CDH13: variants seen among roughly 807,000 people sequenced by gnomAD.
The protein encoded by CDH13 is cadherin-13.
In CDH13, 24 loss-of-function variants were observed where a neutral mutation model predicts 63.8. The observed-to-expected ratio is 0.38, with a 90% confidence interval of 0.27 to 0.53. CDH13 has a LOEUF of 0.53. Ranked by LOEUF, CDH13 falls within the 20% of genes least tolerant of loss-of-function variation. CDH13 has a pLI of 0.85. For missense variants in CDH13, 1,049 were observed against 903.1 expected (o/e 1.16, Z -2.07); for synonymous variants, 503 against 355.3 (o/e 1.42, Z -4.67).
intron 2 of CDH13, among the ~76,000 whole-genome samples, chr16:83,010,681 A>G (rs916367912): frequency 2.0e-5 from 3 of 152,198 alleles, no homozygotes; most frequent in African/African-American, 7.2e-5. Context: ...GAAGTCCCTA[A>G]TGGTTGTTAC....
At chr16:83,604,544 G>T (rs1042107400) in intron 8 of CDH13, among the ~76,000 whole-genome samples, 1 of 152,142 alleles carries the variant, frequency 6.6e-6, no homozygotes, top group African/African-American at 2.4e-5. Flanking sequence ...AAAATGCTTT[G>T]TGTTTCTCTA....
At chr16:83,092,931 G>C (rs4523914) in intron 3 of CDH13, among the ~76,000 whole-genome samples, 78,013 of 151,974 alleles carry the variant, frequency 0.51, 20,330 homozygotes, top group Middle Eastern at 0.61. Context: ...GTACTTTTGC[G>C]CAAGATTTGT....
chr16:82,790,395 A>G (rs2151134373), intron 1 of CDH13, among the ~76,000 whole-genome samples: 1 of 152,282 alleles, frequency 6.6e-6, no homozygotes. Context: ...AGATCGCACC[A>G]CTGCACTCCA....
At chr16:82,722,288 G>C (rs1203635096) in intron 1 of CDH13, among the ~76,000 whole-genome samples, 1 of 152,132 alleles carries the variant, frequency 6.6e-6, no homozygotes, top group Non-Finnish European at 1.5e-5. Flanking sequence ...CTTGTTAAAT[G>C]GTTTCTCTCC....
At chr16:83,682,828 G>C (rs903352952) in intron 10 of CDH13, among the ~76,000 whole-genome samples, 2 of 152,090 alleles carry the variant, frequency 1.3e-5, no homozygotes, top group African/African-American at 4.8e-5. Flanking sequence ...TGAGAGACCG[G>C]GACCCTGAGA....
At chr16:82,739,113 T>A (rs2033816973) in intron 1 of CDH13, among the ~76,000 whole-genome samples, 1 of 152,260 alleles carries the variant, frequency 6.6e-6, no homozygotes, top group South Asian at 2.1e-4. Context: ...TAGTCACTCA[T>A]CATTCATTCT....
At chr16:83,202,502 C>T (rs952251305) in intron 4 of CDH13, among the ~76,000 whole-genome samples, 4 of 152,134 alleles carry the variant, frequency 2.6e-5, no homozygotes, top group Admixed American at 2.6e-4. Context: ...TCAAAGCTGT[C>T]TACACATCCT....
intron 5 of CDH13, among the ~76,000 whole-genome samples, chr16:83,285,293 C>G (rs532520645): frequency 7.2e-5 from 11 of 152,074 alleles, no homozygotes; most frequent in Non-Finnish European, 1.3e-4. Flanking sequence ...TGGTCCTAGT[C>G]AATTTCTCCT....
intron 6 of CDH13, among the ~76,000 whole-genome samples, chr16:83,481,241 A>G (rs1019612646): frequency 1.3e-5 from 2 of 152,226 alleles, no homozygotes; most frequent in South Asian, 2.1e-4. Context: ...CTGAATGTCT[A>G]TGTCTCAATA....
intron 1 of CDH13, among the ~76,000 whole-genome samples, chr16:82,814,213 T>C (rs1277105985): frequency 1.3e-5 from 2 of 152,148 alleles, no homozygotes; most frequent in East Asian, 1.9e-4. Flanking sequence ...AGCTTTGTAA[T>C]TTCCTGAGTG....
intron 2 of CDH13, among the ~76,000 whole-genome samples, chr16:83,014,247 A>T (rs562885868): frequency 2.4e-4 from 36 of 149,726 alleles, no homozygotes; most frequent in Admixed American, 1.1e-3. Flanking sequence ...CAACCATCAG[A>T]TTGGCCAACA....
At chr16:83,002,335 T>C (rs1306503157) in intron 2 of CDH13, among the ~76,000 whole-genome samples, 2 of 152,160 alleles carry the variant, frequency 1.3e-5, no homozygotes, top group Non-Finnish European at 2.9e-5. Context: ...TGGAGTGATG[T>C]GGCCTCAAGC....
intron 7 of CDH13, among the ~76,000 whole-genome samples, chr16:83,561,602 C>T (rs767929291): frequency 6.6e-6 from 1 of 152,144 alleles, no homozygotes; most frequent in Non-Finnish European, 1.5e-5. Flanking sequence ...GGTCTAAGCA[C>T]TTTACAGGTT....
intron 5 of CDH13, among the ~76,000 whole-genome samples, chr16:83,323,194 C>CTT (rs1328277409): frequency 7.1e-6 from 1 of 141,282 alleles, no homozygotes; most frequent in Non-Finnish European, 1.5e-5. Context: ...TTCTTTCTTT[C>CTT]TTTCTTTCTT....
At chr16:83,727,104 A>T (rs1254547220) in intron 10 of CDH13, among the ~76,000 whole-genome samples, 3 of 152,152 alleles carry the variant, frequency 2.0e-5, no homozygotes, top group Non-Finnish European at 4.4e-5. Flanking sequence ...GAGTTGTGCA[A>T]CCATCACCGC....
intron 3 of CDH13, among the ~76,000 whole-genome samples, chr16:83,122,442 G>C (rs2035623981): frequency 6.6e-6 from 1 of 152,190 alleles, no homozygotes; most frequent in South Asian, 2.1e-4. Flanking sequence ...GTTACGCATA[G>C]AGCAAACACC....
intron 4 of CDH13, among the ~76,000 whole-genome samples, chr16:83,169,732 G>T (rs2037842900): frequency 6.6e-6 from 1 of 151,958 alleles, no homozygotes; most frequent in Non-Finnish European, 1.5e-5. Context: ...ATGCCAGCTA[G>T]TTATTTGAAT....
intron 1 of CDH13, among the ~76,000 whole-genome samples, chr16:82,729,782 G>C (rs371914273): frequency 6.6e-6 from 1 of 152,134 alleles, no homozygotes; most frequent in Non-Finnish European, 1.5e-5. Context: ...TCTTCTTCCA[G>C]TATAAAGATG....
chr16:83,081,687 A>G (rs1375958975), intron 3 of CDH13, among the ~76,000 whole-genome samples: 2 of 149,920 alleles, frequency 1.3e-5, no homozygotes, highest in East Asian at 3.9e-4. Context: ...TCACACAGTA[A>G]AGAGAGAGAG....
Sources: allele counts gnomAD v4.1 joint callset (sites outside exome capture counted in the v4.1 genomes callset), GRCh38; gene constraint gnomAD v4.1.1; transcripts MANE v1.5; gene names NCBI Gene and HGNC (gene_info 2026-07-23, HGNC 2026-07-21).